The following MROH2B variants were observed in gnomAD, a reference collection of about 807,000 sequenced individuals.
MROH2B encodes maestro heat like repeat family member 2B.
MROH2B carries 177 observed loss-of-function variants against 208.6 expected under a neutral mutation model. That is an observed-to-expected ratio of 0.85 (90% CI 0.75 to 0.96). MROH2B has a LOEUF of 0.96. MROH2B is among the 40% of genes least tolerant of loss of function. The pLI, the probability that MROH2B is intolerant of heterozygous loss-of-function variation, is 0.00. For missense variants in MROH2B, 2,002 were observed against 1,878.7 expected (o/e 1.07, Z -1.21); for synonymous variants, 728 against 659.0 (o/e 1.10, Z -1.60).
At chr5:41,032,650 G>A in intron 24 of MROH2B, 92 bp downstream of exon 24, 1 of 1,018,238 alleles carries the variant, frequency 9.8e-7, no homozygotes, top group Non-Finnish European at 1.5e-6. Context: ...TTGGGAGTGT[G>A]TACTGAAGTC....
intron 16 of MROH2B, 74 bp from the exon 17 acceptor site, chr5:41,047,838 C>A: frequency 7.9e-7 from 1 of 1,258,582 alleles, no homozygotes; most frequent in African/African-American, 1.5e-5. Flanking sequence ...CCCTCCAGGC[C>A]TCCAGTGATA....
chr5:41,010,188 GT>G, intron 30 of MROH2B, 109 bp from the exon 31 acceptor site: 1 of 987,286 alleles, frequency 1.0e-6, no homozygotes, highest in Non-Finnish European at 1.4e-6. Context: ...TCTAAATAAT[GT>G]TAAAAATAAT....
chr5:41,005,226 G>T, intron 35 of MROH2B: 1 of 526,416 alleles, frequency 1.9e-6, no homozygotes. Context: ...GGCTGGAATA[G>T]TCTTCAGGCC....
chr5:41,018,672 G>C lies in MROH2B; in HGVS notation c.2673+19C>G. On this transcript the variant is annotated intron_variant, in intron 26 of 41. Coordinates refer to ENST00000399564, the MANE Select transcript of MROH2B (RefSeq NM_173489.5). ...GATTAGGGAGAATGAGAATCAGTTT[G>C]AGTGGAGGCTCTACTCACATTAAAC... 6.2e-7 allele frequency: 1 copy of C among 1,609,946 alleles called. No homozygotes were observed. Among genetic ancestry groups the C allele is most frequent in the Non-Finnish European group, 8.5e-7 (1 of 1,176,482 alleles).
At chr5:41,047,166 C>T (rs982020762) in intron 17 of MROH2B, among the ~76,000 whole-genome samples, 16 of 152,280 alleles carry the variant, frequency 1.1e-4, no homozygotes, top group African/African-American at 3.6e-4. Flanking sequence ...ATGTCCACTG[C>T]CTGTCTGCAA....
chr5:41,070,151 C>G (rs2150185459), intron 1 of MROH2B, among the ~76,000 whole-genome samples: 1 of 152,086 alleles, frequency 6.6e-6, no homozygotes, highest in Non-Finnish European at 1.5e-5. Flanking sequence ...TTTCACTGGT[C>G]CTCCCCTCAA....
Position 41,009,404 on chromosome 5 carries a change from T to C in MROH2B, c.3296A>G (p.Asp1099Gly). 1 of 1,613,336 alleles carries C rather than the reference T, an allele frequency of 6.2e-7. No individual in the cohort carries two copies. Among genetic ancestry groups the C allele is most frequent in the African/African-American group, 1.3e-5 (1 of 75,014 alleles). ...LLQKPLPFDR[D>G]TKTLWKALAE... Reference sequence around the variant, plus strand: ...CAGCGCCTTCCACAATGTCTTTGTGTCCCTAGGGTGGCAAAGCAGGAAATT... The same window carrying C: ...CAGCGCCTTCCACAATGTCTTTGTGCCCCTAGGGTGGCAAAGCAGGAAATT... Residue 1099 changes from aspartate (D) to glycine (G), a missense_variant and splice_region_variant, in exon 32 of 42, where the codon GAC becomes GGC. Coordinates refer to ENST00000399564, the MANE Select transcript of MROH2B (RefSeq NM_173489.5).
chr5:41,001,938 T>A (rs371290486), intron 37 of MROH2B, among the ~76,000 whole-genome samples: 2 of 152,252 alleles, frequency 1.3e-5, no homozygotes, highest in South Asian at 4.1e-4. Flanking sequence ...AATAGCAGAA[T>A]ATTATTTAGA....
chr5:41,020,362 C>A lies in MROH2B; in HGVS notation c.2442-1344G>T, dbSNP rs1051354616. On this transcript the variant is annotated intron_variant, in intron 24 of 41. Transcript: ENST00000399564. ...TCTAGAGACTGGTTAATTCTTAATT[C>A]AGCTTCAAGATTGATTTATTTGAGC... Among the ~76,000 whole-genome samples, 4 of 152,114 alleles carry A rather than the reference C, an allele frequency of 2.6e-5. 1 individual carries two copies. The South Asian group carries it at 8.3e-4, about 32-fold the overall frequency.
At chr5:41,020,728 G>T (rs1483732733) in intron 24 of MROH2B, among the ~76,000 whole-genome samples, 2 of 152,108 alleles carry the variant, frequency 1.3e-5, no homozygotes, top group African/African-American at 4.8e-5. Context: ...GAAATAGGAG[G>T]TTGGTTAAGT....
intron 24 of MROH2B, among the ~76,000 whole-genome samples, chr5:41,019,577 TG>T (rs1400535581): frequency 6.6e-6 from 1 of 152,210 alleles, no homozygotes; most frequent in East Asian, 1.9e-4. Context: ...CATGAGGATA[TG>T]AAAAAGTCTA....
chr5:40,999,508 G>A (rs567988284), intron 40 of MROH2B, among the ~76,000 whole-genome samples, 169 bp downstream of exon 40: 2 of 152,294 alleles, frequency 1.3e-5, no homozygotes, highest in Non-Finnish European at 2.9e-5. Context: ...AAGGAAGCAG[G>A]TTTCTTTGAG....
chr5:41,032,522 G>C (rs900505872), intron 24 of MROH2B, among the ~76,000 whole-genome samples: 1 of 151,978 alleles, frequency 6.6e-6, no homozygotes, highest in Non-Finnish European at 1.5e-5. Flanking sequence ...TAATTCCTCT[G>C]AGTAGCTCTT....
Position 40,998,649 on chromosome 5 carries a change from T to A in MROH2B, c.4614A>T (p.Gln1538His). The change falls in exon 41 of 42, where the codon CAA (glutamine) becomes CAT (histidine). Residue 1538 changes from glutamine (Q) to histidine (H), a missense_variant. Gln to His is a conservative substitution (Grantham distance 24). Transcript: ENST00000399564. ...GTTCTCTGTCTAGTAACTCCACATATTGGCTGGTCAAATTGAGAACAACGG... is the reference window on the plus strand; with the variant it reads ...GTTCTCTGTCTAGTAACTCCACATAATGGCTGGTCAAATTGAGAACAACGG... ...TDAVVLNLTSQYVELLDREQL... is the reference protein window; with the variant it reads ...TDAVVLNLTSHYVELLDREQL... The A allele has an allele frequency of 6.3e-7, 1 of 1,593,438 alleles. No homozygotes were observed. Among genetic ancestry groups the A allele is most frequent in the Non-Finnish European group, 8.6e-7 (1 of 1,169,204 alleles).
At chr5:41,065,731 C>T (rs925917306) in intron 3 of MROH2B, among the ~76,000 whole-genome samples, 4 of 152,034 alleles carry the variant, frequency 2.6e-5, no homozygotes, top group Admixed American at 2.6e-4. Flanking sequence ...AAAACGTCTA[C>T]TGACCCCCAA....
chr5:41,006,909 C>T (rs939076348), intron 34 of MROH2B, among the ~76,000 whole-genome samples: 1 of 151,888 alleles, frequency 6.6e-6, no homozygotes, highest in Admixed American at 6.6e-5. Context: ...ATGGGTGCAC[C>T]AAAATCTCAG....
intron 24 of MROH2B, among the ~76,000 whole-genome samples, chr5:41,032,282 T>A (rs959962084): frequency 8.5e-5 from 13 of 152,144 alleles, no homozygotes; most frequent in Non-Finnish European, 7.4e-5. Flanking sequence ...TGAGATGCTA[T>A]CTTATTGTGG....
Position 41,012,568 on chromosome 5 carries a change from T to A in MROH2B, c.3135+15A>T. ...TAGAAATCTGTTCAGTTGTTAAAAC[T>A]GGCTATCAGTTCACCTGATCTTCCA... On this transcript the variant is annotated intron_variant, in intron 30 of 41. Coordinates refer to ENST00000399564, the MANE Select transcript of MROH2B (RefSeq NM_173489.5). 1 of 1,601,882 alleles carries A rather than the reference T, an allele frequency of 6.2e-7. No homozygotes were observed. The highest frequency in any genetic ancestry group is 8.5e-7 in the Non-Finnish European group (1 of 1,176,110).
intron 21 of MROH2B, among the ~76,000 whole-genome samples, chr5:41,035,858 G>C (rs1049828822): frequency 3.3e-5 from 5 of 151,922 alleles, no homozygotes; most frequent in African/African-American, 1.2e-4. Context: ...GGTGAGGCTG[G>C]GGAGAAAAGG....
Sources: allele counts gnomAD v4.1 joint callset (sites outside exome capture counted in the v4.1 genomes callset), GRCh38; gene constraint gnomAD v4.1.1; transcripts MANE v1.5; gene names NCBI Gene and HGNC (gene_info 2026-07-23, HGNC 2026-07-21).